The following COP1 variants were observed in gnomAD, a reference collection of about 807,000 sequenced individuals.
COP1 encodes the protein E3 ubiquitin-protein ligase COP1.
COP1 carries 24 observed loss-of-function variants against 101.3 expected under a neutral mutation model. The ratio of observed to expected loss-of-function variants is 0.24; its 90% CI spans 0.17 to 0.33. The LOEUF (loss-of-function observed/expected upper bound fraction) is 0.33. COP1 is among the 10% of genes least tolerant of loss of function. COP1 has a pLI of 1.00. For missense variants in COP1, 663 were observed against 906.2 expected (o/e 0.73, Z 3.45); for synonymous variants, 347 against 341.9 (o/e 1.01, Z -0.17).
At chr1:176,013,168 T>A (rs191751781) in intron 15 of COP1, among the ~76,000 whole-genome samples, 1 of 152,292 alleles carries the variant, frequency 6.6e-6, no homozygotes, top group Non-Finnish European at 1.5e-5. Context: ...ATTTATCTTA[T>A]TTTTTATTGT....
At chr1:175,960,397 A>C (rs1046309707) in intron 18 of COP1, among the ~76,000 whole-genome samples, 2 of 152,214 alleles carry the variant, frequency 1.3e-5, no homozygotes, top group African/African-American at 2.4e-5. Context: ...AGACACATAC[A>C]TAAGTGCCTG....
intron 15 of COP1, among the ~76,000 whole-genome samples, chr1:176,020,620 T>G (rs1245274090): frequency 6.6e-6 from 1 of 152,286 alleles, no homozygotes; most frequent in African/African-American, 2.4e-5. Context: ...GAGGCTGCAG[T>G]GATCCAAGAC....
Position 175,956,898 on chromosome 1 carries a change from G to A in COP1, c.2134-9659C>T, listed in dbSNP as rs1009969521. On this transcript the variant is annotated intron_variant, in intron 18 of 19. Transcript: ENST00000367669. ...GTGTTATTGTCCCTGAAGACATTCCGATGGGACAAGATGTAGAAGACAGTG... is the reference window on the plus strand; with the variant it reads ...GTGTTATTGTCCCTGAAGACATTCCAATGGGACAAGATGTAGAAGACAGTG... 2.2e-4 allele frequency among the ~76,000 whole-genome samples: 33 copies of A among 152,232 alleles called. No homozygotes were observed. In the South Asian group the frequency reaches 2.7e-3, roughly 12 times the overall value.
intron 15 of COP1, among the ~76,000 whole-genome samples, chr1:176,023,261 A>T (rs1667070536): frequency 6.6e-6 from 1 of 152,260 alleles, no homozygotes; most frequent in African/African-American, 2.4e-5. Context: ...TGAAGAAACT[A>T]GCAAATGTTT....
chr1:176,074,857 C>A (rs910388510), intron 11 of COP1, among the ~76,000 whole-genome samples: 3 of 151,082 alleles, frequency 2.0e-5, no homozygotes, highest in Non-Finnish European at 4.4e-5. Flanking sequence ...GCATACATAT[C>A]AGGTCAATAT....
At chr1:175,977,321 T>C (rs1654816809) in intron 18 of COP1, among the ~76,000 whole-genome samples, 1 of 152,188 alleles carries the variant, frequency 6.6e-6, no homozygotes, top group African/African-American at 2.4e-5. Context: ...AAATAAAGAA[T>C]ATATATTTTC....
intron 9 of COP1, among the ~76,000 whole-genome samples, chr1:176,106,734 C>G (rs1237360721): frequency 6.6e-6 from 1 of 152,166 alleles, no homozygotes; most frequent in Non-Finnish European, 1.5e-5. Flanking sequence ...AAATTCTTAT[C>G]CCCAAATGCT....
At chr1:176,116,493 G>A in intron 9 of COP1, 131 bp downstream of exon 9, 2 of 654,822 alleles carry the variant, frequency 3.1e-6, no homozygotes, top group South Asian at 4.2e-5. Flanking sequence ...AGCTATTCAA[G>A]TGCTAATCAA....
Position 176,149,123 on chromosome 1 carries a change from A to G in COP1, c.763-49T>C, listed in dbSNP as rs762365218. 2.5e-5 allele frequency: 31 copies of G among 1,256,286 alleles called. No individual in the cohort carries two copies. In the East Asian group the frequency reaches 7.4e-4, roughly 30 times the overall value. 77.8% of individuals were successfully genotyped at this position (1,256,286 alleles called of 1,614,324 possible). ...TCTTTTAAAAAATATAACTGAGTTG[A>G]AAGTTTTCTTTAACACCATAGCATA... On this transcript the variant is annotated intron_variant, in intron 5 of 19. Coordinates refer to ENST00000367669, the MANE Select transcript of COP1 (RefSeq NM_022457.7).
intron 11 of COP1, among the ~76,000 whole-genome samples, chr1:176,048,768 T>C (rs1198717525): frequency 6.6e-6 from 1 of 152,210 alleles, no homozygotes; most frequent in Non-Finnish European, 1.5e-5. Context: ...AAGTATGCCA[T>C]TACTAAACTA....
chr1:176,043,940 A>G lies in COP1; in HGVS notation c.1422-122T>C, dbSNP rs535039076. On this transcript the variant is annotated intron_variant, in intron 12 of 19. Transcript: ENST00000367669. ...AAATGGTCTCTATCAGTTCACAATC[A>G]TTATTCTGCCCACAACATACCTGGG... 1.3e-4 allele frequency: 84 copies of G among 642,818 alleles called. No individual in the cohort carries two copies. The African/African-American group carries it at 1.4e-3, about 11-fold the overall frequency. The allele number at this position is 642,818 out of a possible 1,614,324, so 39.8% of individuals were successfully genotyped here. A position where few individuals can be genotyped will look rare whatever the true frequency, so the allele number is the denominator to read the frequency against.
chr1:176,117,911 A>C (rs993092337), intron 8 of COP1, among the ~76,000 whole-genome samples: 1 of 152,092 alleles, frequency 6.6e-6, no homozygotes, highest in Admixed American at 6.6e-5. Flanking sequence ...CAAACAAACA[A>C]ACAAACAAAA....
intron 18 of COP1, among the ~76,000 whole-genome samples, chr1:175,956,232 TA>T (rs374948295): frequency 0.067 from 9,939 of 148,744 alleles, 443 homozygotes; most frequent in Non-Finnish European, 0.088. Flanking sequence ...CTTGGCAAGT[TA>T]AAAAAAAAAT....
chr1:175,988,514 G>C (rs1657645011), intron 16 of COP1, 102 bp from the exon 17 acceptor site: 1 of 1,142,732 alleles, frequency 8.8e-7, no homozygotes, highest in Non-Finnish European at 1.2e-6. Flanking sequence ...AAGAATGCAG[G>C]CTCTGGAGCC....
intron 11 of COP1, among the ~76,000 whole-genome samples, chr1:176,049,809 T>TA (rs1360088005): frequency 3.3e-5 from 5 of 152,242 alleles, no homozygotes; most frequent in Middle Eastern, 6.8e-3. Context: ...GATGACCTCT[T>TA]ATATTAACAG....
intron 9 of COP1, among the ~76,000 whole-genome samples, chr1:176,108,815 A>G (rs1684786333): frequency 6.6e-6 from 1 of 152,110 alleles, no homozygotes; most frequent in South Asian, 2.1e-4. Flanking sequence ...TGGAGCTTTC[A>G]TTAAAAAGAT....
At chr1:175,980,185 C>A (rs1439772338) in intron 18 of COP1, among the ~76,000 whole-genome samples, 2 of 149,172 alleles carry the variant, frequency 1.3e-5, no homozygotes, top group Admixed American at 6.8e-5. Context: ...AGTGGGGAAT[C>A]TGAGAGATTT....
intron 1 of COP1, among the ~76,000 whole-genome samples, chr1:176,205,082 T>C (rs1365750952): frequency 1.3e-5 from 2 of 152,244 alleles, no homozygotes; most frequent in Non-Finnish European, 2.9e-5. Context: ...TCACATCTTT[T>C]ACTTTATTTT....
chr1:176,142,842 G>C (rs1048296621), intron 6 of COP1, among the ~76,000 whole-genome samples: 1 of 151,780 alleles, frequency 6.6e-6, no homozygotes, highest in African/African-American at 2.4e-5. Context: ...AAAATATGAT[G>C]CCAAAAGAAT....
Sources: gnomAD v4.1 joint callset for allele counts (sites outside exome capture counted in the v4.1 genomes callset) on GRCh38, gnomAD v4.1.1 for gene constraint, MANE v1.5 for transcripts, NCBI Gene and HGNC (gene_info 2026-07-23, HGNC 2026-07-21) for gene names.